The following TRAPPC9 variants were observed in gnomAD, a reference collection of about 807,000 sequenced individuals.
The protein encoded by TRAPPC9 is trafficking protein particle complex subunit 9.
TRAPPC9 carries 83 observed loss-of-function variants against 124.0 expected under a neutral mutation model. The ratio of observed to expected loss-of-function variants is 0.67; its 90% CI spans 0.56 to 0.80. TRAPPC9 has a LOEUF of 0.80. TRAPPC9 is among the 30% of genes least tolerant of loss of function. The pLI, the probability that TRAPPC9 is intolerant of heterozygous loss-of-function variation, is 0.00. For missense variants in TRAPPC9, 1,302 were observed against 1,508.3 expected (o/e 0.86, Z 2.27); for synonymous variants, 638 against 617.5 (o/e 1.03, Z -0.49).
intron 21 of TRAPPC9, among the ~76,000 whole-genome samples, chr8:139,804,532 AACC>A (rs1394518708): frequency 1.7e-5 from 1 of 58,784 alleles, no homozygotes; most frequent in East Asian, 5.8e-4. Flanking sequence ...CACCACACAC[AACC>A]ACCACCACCC....
chr8:140,033,658 GTTTTTTTTTTTTTTTTTTTTTTTTTTT>G (rs776155126), intron 17 of TRAPPC9, among the ~76,000 whole-genome samples: 1 of 42,366 alleles, frequency 2.4e-5, no homozygotes, highest in Non-Finnish European at 5.5e-5. Context: ...TCATAATGTG[GTTTTTTTTTTTTTTTTTTTTTTTTTTT>G]TTTTTTTTTT....
At chr8:140,072,404 T>C (rs1452582321) in intron 17 of TRAPPC9, among the ~76,000 whole-genome samples, 1 of 151,904 alleles carries the variant, frequency 6.6e-6, no homozygotes, top group Non-Finnish European at 1.5e-5. Context: ...TGGTGGCATG[T>C]GCCTGTAGGA....
chr8:140,425,179 G>A (rs1329727898), intron 5 of TRAPPC9, among the ~76,000 whole-genome samples: 1 of 152,236 alleles, frequency 6.6e-6, no homozygotes, highest in Non-Finnish European at 1.5e-5. Context: ...AGGTCCCCAA[G>A]AGCAGAGGCC....
At chr8:140,441,730 A>C (rs2071022323) in intron 2 of TRAPPC9, among the ~76,000 whole-genome samples, 1 of 152,042 alleles carries the variant, frequency 6.6e-6, no homozygotes, top group Non-Finnish European at 1.5e-5. Context: ...TTGCTCAGCT[A>C]ATATTTATAT....
chr8:140,415,339 C>T (rs75186353), intron 5 of TRAPPC9, among the ~76,000 whole-genome samples: 1 of 150,982 alleles, frequency 6.6e-6, no homozygotes, highest in African/African-American at 2.4e-5. Context: ...AGATCACTTG[C>T]GGTCAGGAGT....
At chr8:139,749,731 C>T (rs1406717373) in intron 21 of TRAPPC9, among the ~76,000 whole-genome samples, 1 of 152,190 alleles carries the variant, frequency 6.6e-6, no homozygotes, top group Non-Finnish European at 1.5e-5. Context: ...GCAAAAGGAC[C>T]TTCTAGTGGC....
chr8:140,058,448 C>A (rs1842411829), intron 17 of TRAPPC9, among the ~76,000 whole-genome samples: 1 of 152,206 alleles, frequency 6.6e-6, no homozygotes, highest in Non-Finnish European at 1.5e-5. Flanking sequence ...TTCATTCATT[C>A]ATTCACTATT....
intron 5 of TRAPPC9, among the ~76,000 whole-genome samples, chr8:140,423,824 C>A (rs1487748575): frequency 2.0e-5 from 3 of 152,030 alleles, no homozygotes; most frequent in African/African-American, 4.8e-5. Context: ...ACGTGCTATA[C>A]GCATGAAGCT....
intron 5 of TRAPPC9, among the ~76,000 whole-genome samples, chr8:140,413,975 G>A (rs2069806399): frequency 6.6e-6 from 1 of 151,930 alleles, no homozygotes; most frequent in Non-Finnish European, 1.5e-5. Context: ...AAACATACGT[G>A]TGCATGTGTC....
intron 2 of TRAPPC9, among the ~76,000 whole-genome samples, chr8:140,439,487 G>A (rs1241981253): frequency 2.0e-5 from 3 of 152,168 alleles, no homozygotes; most frequent in Non-Finnish European, 4.4e-5. Flanking sequence ...AGATTTTCCA[G>A]TTGTAACATT....
intron 19 of TRAPPC9, among the ~76,000 whole-genome samples, chr8:139,979,534 C>T (rs993685100): frequency 3.9e-5 from 6 of 152,240 alleles, no homozygotes; most frequent in Non-Finnish European, 7.4e-5. Flanking sequence ...GCCCAGGCTG[C>T]GTCCAGCCAG....
At chr8:140,365,606 G>GC (rs1199923984) in intron 8 of TRAPPC9, among the ~76,000 whole-genome samples, 2 of 152,204 alleles carry the variant, frequency 1.3e-5, no homozygotes. Context: ...CAGATGGCTG[G>GC]CAAGCAGGGC....
intron 7 of TRAPPC9, among the ~76,000 whole-genome samples, chr8:140,389,623 T>C (rs1034951918): frequency 1.3e-5 from 2 of 152,156 alleles, no homozygotes; most frequent in East Asian, 1.9e-4. Context: ...CAGTCCCCAG[T>C]CTAGAATCTG....
chr8:140,292,939 T>C (rs1375442708), intron 11 of TRAPPC9, among the ~76,000 whole-genome samples: 2 of 139,802 alleles, frequency 1.4e-5, no homozygotes, highest in Non-Finnish European at 3.1e-5. Context: ...ACCTACAAAA[T>C]GGGAGAAAAT....
At chr8:140,441,804 A>G (rs1476340641) in intron 2 of TRAPPC9, among the ~76,000 whole-genome samples, 1 of 152,156 alleles carries the variant, frequency 6.6e-6, no homozygotes, top group Non-Finnish European at 1.5e-5. Flanking sequence ...GGCCCAAGCA[A>G]TCCACCTGCC....
intron 11 of TRAPPC9, among the ~76,000 whole-genome samples, chr8:140,297,776 A>G (rs1055005051): frequency 6.6e-6 from 1 of 152,232 alleles, no homozygotes; most frequent in Non-Finnish European, 1.5e-5. Context: ...TGACAGATGT[A>G]CAGTTTTAGA....
At chr8:139,903,553 A>G (rs1438729190) in intron 20 of TRAPPC9, among the ~76,000 whole-genome samples, 1 of 152,218 alleles carries the variant, frequency 6.6e-6, no homozygotes. Flanking sequence ...GGCTTGCCAG[A>G]AGCGTGTCCC....
intron 6 of TRAPPC9, among the ~76,000 whole-genome samples, chr8:140,403,694 G>A (rs1410902820): frequency 1.3e-5 from 2 of 149,814 alleles, no homozygotes; most frequent in Non-Finnish European, 2.9e-5. Flanking sequence ...GTCTCACTCT[G>A]TAGCCTAAGC....
chr8:140,026,419 G>T (rs376669033), intron 17 of TRAPPC9, among the ~76,000 whole-genome samples: 16 of 152,082 alleles, frequency 1.1e-4, no homozygotes, highest in Non-Finnish European at 1.8e-4. Context: ...ATATTGTTTC[G>T]CACAGTGGCT....
Sources: gnomAD v4.1 joint callset for allele counts (sites outside exome capture counted in the v4.1 genomes callset) on GRCh38, gnomAD v4.1.1 for gene constraint, MANE v1.5 for transcripts, NCBI Gene and HGNC (gene_info 2026-07-23, HGNC 2026-07-21) for gene names.